The following ANKRD30BL variants were observed in gnomAD, a reference collection of about 807,000 sequenced individuals.
The protein encoded by ANKRD30BL is putative ankyrin repeat domain-containing protein 30B-like.
A neutral mutation model predicts 18.4 loss-of-function variants in ANKRD30BL; 20 were observed. That is an observed-to-expected ratio of 1.09 (90% CI 0.77 to 1.58). ANKRD30BL has a LOEUF of 1.58. Among genes scored for constraint, ANKRD30BL ranks in the 40% most tolerant of loss-of-function variants. The pLI, the probability that ANKRD30BL is intolerant of heterozygous loss-of-function variation, is 0.00. For synonymous variants in ANKRD30BL, 72 were observed against 100.9 expected (o/e 0.71, Z 1.72); for missense variants, 224 against 268.6 (o/e 0.83, Z 1.16).
chr2:132,182,982 GA>G (rs200623055), intron 1 of ANKRD30BL, among the ~76,000 whole-genome samples: 2 of 151,890 alleles, frequency 1.3e-5, no homozygotes, highest in African/African-American at 2.4e-5. Context: ...TTATTGTAGT[GA>G]AAAATATATA....
At chr2:132,239,312 G>C (rs1680247806) in intron 1 of ANKRD30BL, among the ~76,000 whole-genome samples, 1 of 151,594 alleles carries the variant, frequency 6.6e-6, no homozygotes, top group Middle Eastern at 3.4e-3. Context: ...CAAAAAACTA[G>C]ACTGAAGCAT....
chr2:132,255,285 C>T (rs1230928143), intron 1 of ANKRD30BL, among the ~76,000 whole-genome samples: 2 of 152,168 alleles, frequency 1.3e-5, no homozygotes, highest in Non-Finnish European at 1.5e-5. Context: ...CCGGCCGTCC[C>T]TCTTAATCAT....
Position 132,148,239 on chromosome 2 carries a change from CAG to C in ANKRD30BL, c.680-13_680-12del. ...CTTCAGATGTTCCTTCTGCCAAACA[CAG>C]AGTCTGGTTAAATTTTCCTTCGCTA... is the stretch of plus-strand genomic sequence containing the variant. On this transcript the variant is annotated splice_polypyrimidine_tract_variant and intron_variant, in intron 5 of 5. Transcript: ENST00000409867. The C allele has an allele frequency of 6.3e-7, 1 of 1,596,328 alleles. No individual in the cohort carries two copies. Among genetic ancestry groups the C allele is most frequent in the South Asian group, 1.1e-5 (1 of 88,566 alleles).
intron 1 of ANKRD30BL, among the ~76,000 whole-genome samples, chr2:132,255,184 G>C (rs1680794922): frequency 6.6e-6 from 1 of 152,198 alleles, no homozygotes; most frequent in African/African-American, 2.4e-5. Context: ...TTTCGTTCTT[G>C]ATTAATGAAA....
chr2:132,249,498 G>A (rs1680593273), intron 1 of ANKRD30BL, among the ~76,000 whole-genome samples: 1 of 151,746 alleles, frequency 6.6e-6, no homozygotes, highest in Non-Finnish European at 1.5e-5. Context: ...AGGCTTCAAA[G>A]TGCTCACAAA....
chr2:132,204,741 T>A (rs1347552859), intron 1 of ANKRD30BL, among the ~76,000 whole-genome samples: 1 of 152,156 alleles, frequency 6.6e-6, no homozygotes, highest in Non-Finnish European at 1.5e-5. Flanking sequence ...ATACTCTAAA[T>A]TTTCTTGGCC....
At chr2:132,217,097 A>G (rs1305697213) in intron 1 of ANKRD30BL, among the ~76,000 whole-genome samples, 1 of 151,982 alleles carries the variant, frequency 6.6e-6, no homozygotes, top group Non-Finnish European at 1.5e-5. Flanking sequence ...ATATCTTCAC[A>G]TAAAAACTAG....
Position 132,182,702 on chromosome 2 carries a change from T to G in ANKRD30BL, n.442-25556A>C, listed in dbSNP as rs552435907. ...AAAACATCTTAAAAGACCAGATGAT[T>G]AAAAAAATAGTAACTTTAATTGTTA... On this transcript the variant is annotated intron_variant and non_coding_transcript_variant, in intron 1 of 4. Transcript: ENST00000470729. Among the ~76,000 whole-genome samples, 577 of 152,180 alleles carry G rather than the reference T, an allele frequency of 3.8e-3. 2 individuals carry two copies. The highest frequency in any genetic ancestry group is 0.013 in the African/African-American group (557 of 41,552).
At chr2:132,218,029 T>C (rs1468055927) in intron 1 of ANKRD30BL, among the ~76,000 whole-genome samples, 3 of 151,800 alleles carry the variant, frequency 2.0e-5, no homozygotes, top group Non-Finnish European at 4.4e-5. Context: ...AACTTTCTTT[T>C]GATAGAGCAG....
intron 1 of ANKRD30BL, among the ~76,000 whole-genome samples, chr2:132,236,175 C>T (rs113269905): frequency 0.058 from 8,784 of 151,848 alleles, 829 homozygotes; most frequent in African/African-American, 0.2. Flanking sequence ...TTACACCTTA[C>T]ACAAAAATCA....
intron 1 of ANKRD30BL, among the ~76,000 whole-genome samples, chr2:132,221,874 G>C (rs1215013955): frequency 8.5e-5 from 9 of 105,674 alleles, no homozygotes; most frequent in African/African-American, 4.5e-4. Flanking sequence ...GGGAGGGGGA[G>C]TCAGCCCCCT....
chr2:132,220,600 G>A (rs1032318371), intron 1 of ANKRD30BL, among the ~76,000 whole-genome samples: 5 of 152,020 alleles, frequency 3.3e-5, no homozygotes, highest in African/African-American at 1.2e-4. Flanking sequence ...TCCTAACCGC[G>A]AGTGATCCGC....
intron 1 of ANKRD30BL, among the ~76,000 whole-genome samples, chr2:132,208,018 C>A (rs1248831923): frequency 3.3e-5 from 5 of 152,038 alleles, no homozygotes; most frequent in Non-Finnish European, 7.4e-5. Flanking sequence ...GTACAAAAGG[C>A]TTTTACTCCA....
intron 4 of ANKRD30BL, chr2:132,153,669 G>T (rs1490296052): frequency 4.0e-6 from 5 of 1,265,248 alleles, no homozygotes; most frequent in South Asian, 2.3e-5. Context: ...GATGATCCAT[G>T]ACATATGGCA....
intron 1 of ANKRD30BL, among the ~76,000 whole-genome samples, chr2:132,178,017 A>C (rs889650604): frequency 1.1e-4 from 17 of 152,156 alleles, no homozygotes; most frequent in Non-Finnish European, 1.2e-4. Context: ...GATTCTTAAA[A>C]TGAAATGAAT....
At chr2:132,242,850 G>A (rs568962679) in intron 1 of ANKRD30BL, among the ~76,000 whole-genome samples, 2 of 151,586 alleles carry the variant, frequency 1.3e-5, no homozygotes, top group African/African-American at 2.4e-5. Context: ...CATTTTGTGC[G>A]ATTTGAGACC....
intron 1 of ANKRD30BL, among the ~76,000 whole-genome samples, chr2:132,221,743 C>G (rs1223639513): frequency 2.0e-5 from 2 of 98,710 alleles, no homozygotes; most frequent in Non-Finnish European, 1.9e-5. Flanking sequence ...AGGTGAGGGG[C>G]GCCTCTGCCC....
At chr2:132,238,866 C>G (rs1373268269) in intron 1 of ANKRD30BL, among the ~76,000 whole-genome samples, 1 of 151,610 alleles carries the variant, frequency 6.6e-6, no homozygotes, top group African/African-American at 2.4e-5. Flanking sequence ...TGAACATTCC[C>G]CTTCATTGAG....
chr2:132,192,138 T>G (rs1482551437), intron 1 of ANKRD30BL, among the ~76,000 whole-genome samples: 1 of 152,278 alleles, frequency 6.6e-6, no homozygotes, highest in African/African-American at 2.4e-5. Context: ...ATCTATACAG[T>G]TATAAAAATA....
Sources: gnomAD v4.1 joint callset for allele counts (sites outside exome capture counted in the v4.1 genomes callset) on GRCh38, gnomAD v4.1.1 for gene constraint, MANE v1.5 for transcripts, NCBI Gene and HGNC (gene_info 2026-07-23, HGNC 2026-07-21) for gene names.